Variants in SLC12A2 observed in about 807,000 individuals in gnomAD.
SLC12A2 encodes solute carrier family 12 member 2, also known as Na-K-2Cl cotransporter 1.
A neutral mutation model predicts 136.3 loss-of-function variants in SLC12A2; 67 were observed. The observed-to-expected ratio is 0.49, with a 90% CI of 0.40 to 0.60. The LOEUF (loss-of-function observed/expected upper bound fraction) is 0.60, where lower values mean the gene tolerates loss of function less well. Ranked by LOEUF, SLC12A2 falls within the 20% of genes least tolerant of loss-of-function variation. The pLI, the probability that SLC12A2 is intolerant of heterozygous loss-of-function variation, is 0.00. For missense variants in SLC12A2, 1,322 were observed against 1,534.7 expected, an observed-to-expected ratio of 0.86 and a Z score of 2.32; for synonymous variants, 619 against 562.9, an observed-to-expected ratio of 1.10 and a Z score of -1.41.
At chr5:128,110,271 A>G in intron 1 of SLC12A2, 1 of 811,422 alleles carries the variant, frequency 1.2e-6, no homozygotes, top group Non-Finnish European at 2.2e-6. Flanking sequence ...GGCTCCACAG[A>G]TTCCAAGGAT....
intron 20 of SLC12A2, among the ~76,000 whole-genome samples, chr5:128,175,255 A>G (rs1019663641): frequency 6.6e-6 from 1 of 152,034 alleles, no homozygotes; most frequent in African/African-American, 2.4e-5. Context: ...TGGACCAATC[A>G]TGTCTCTGTA....
Position 128,141,811 on chromosome 5 carries a change from G to T in SLC12A2, c.1622-19G>T. On this transcript the variant is annotated intron_variant, in intron 9 of 26. Coordinates refer to ENST00000262461, the MANE Select transcript of SLC12A2 (RefSeq NM_001046.3). The stretch of plus-strand genomic sequence containing the variant: ...TGTAGATATTAACTATATTATTCTT[G>T]TTGTCACTTGTGCTTTAGGTTCTTG... The T allele has an allele frequency of 6.2e-7, 1 of 1,603,366 alleles. No homozygotes were observed. The highest frequency in any genetic ancestry group is 1.1e-5 in the South Asian group (1 of 89,408).
At chr5:128,138,053 C>G (rs1762242359) in intron 7 of SLC12A2, among the ~76,000 whole-genome samples, 1 of 151,710 alleles carries the variant, frequency 6.6e-6, no homozygotes, top group African/African-American at 2.4e-5. Context: ...TTCTCTCACC[C>G]CAGCCTCCCA....
chr5:128,179,948 CTTTTTTTTTTTTTTTTTTTT>C (rs70997365), intron 22 of SLC12A2, among the ~76,000 whole-genome samples: 9 of 50,480 alleles, frequency 1.8e-4, no homozygotes, highest in East Asian at 1.1e-3. Context: ...CCAATCGTTC[CTTTTTTTTTTTTTTTTTTTT>C]TTTTTTTTTT....
chr5:128,162,994 T>C (rs1041216986), intron 17 of SLC12A2, among the ~76,000 whole-genome samples: 2 of 152,078 alleles, frequency 1.3e-5, no homozygotes, highest in Non-Finnish European at 2.9e-5. Flanking sequence ...GTGTATTCTG[T>C]GTGTGGCTCA....
intron 4 of SLC12A2, among the ~76,000 whole-genome samples, chr5:128,115,754 A>G (rs1379265720): frequency 2.6e-5 from 4 of 152,196 alleles, no homozygotes; most frequent in Admixed American, 6.5e-5. Flanking sequence ...TTGACATTAT[A>G]TAACACAATT....
intron 16 of SLC12A2, among the ~76,000 whole-genome samples, chr5:128,161,188 C>T (rs188735100): frequency 6.6e-6 from 1 of 152,012 alleles, no homozygotes. Context: ...GTTATTTCAT[C>T]CTTTAACAGA....
At chr5:128,114,173 C>A (rs769670506) in intron 2 of SLC12A2, 39 bp from the exon 3 acceptor site, 35 of 1,401,340 alleles carry the variant, frequency 2.5e-5, no homozygotes, top group South Asian at 2.5e-4. Flanking sequence ...TTTGATTATT[C>A]TTCTTCCTCT....
intron 1 of SLC12A2, among the ~76,000 whole-genome samples, chr5:128,104,798 A>G (rs1367522436): frequency 6.6e-6 from 1 of 152,018 alleles, no homozygotes; most frequent in Non-Finnish European, 1.5e-5. Context: ...TAGCAGTTTC[A>G]TAGATGCTGT....
intron 16 of SLC12A2, among the ~76,000 whole-genome samples, chr5:128,159,464 G>A (rs768546875): frequency 3.3e-5 from 5 of 152,106 alleles, no homozygotes; most frequent in Non-Finnish European, 7.4e-5. Flanking sequence ...AGAGTGAACA[G>A]GCAACCTACA....
At chr5:128,134,107 G>A (rs796532200) in intron 5 of SLC12A2, 58 bp from the exon 6 acceptor site, 2 of 869,808 alleles carry the variant, frequency 2.3e-6, no homozygotes, top group African/African-American at 3.3e-5. Flanking sequence ...CAAAAGGAGT[G>A]TGAATGTGTA....
intron 15 of SLC12A2, among the ~76,000 whole-genome samples, chr5:128,155,546 C>T (rs541506784): frequency 1.3e-5 from 2 of 152,226 alleles, no homozygotes; most frequent in African/African-American, 4.8e-5. Flanking sequence ...TTCCCTGAAA[C>T]TAATAATTTT....
In SLC12A2 at chr5:128,138,692, C is replaced by T. The variant is rs1397307536; in HGVS notation, c.1504C>T (p.Leu502=). The stretch of plus-strand genomic sequence containing the variant: ...CTTTTTTCCTGCTGCAACTGGTATT[C>T]TGGCTGGAGCAAATATCTCAGGTGA... ...AIFFPAATGI[L]AGANISGDLA... Residue 502 remains leucine, a synonymous_variant, in exon 8 of 27, where the codon CTG becomes TTG. Coordinates refer to ENST00000262461, the MANE Select transcript of SLC12A2 (RefSeq NM_001046.3). 6.2e-7 allele frequency: 1 copy of T among 1,613,752 alleles called. No individual in the cohort carries two copies. Among genetic ancestry groups the T allele is most frequent in the Non-Finnish European group, 8.5e-7 (1 of 1,179,796 alleles).
intron 11 of SLC12A2, among the ~76,000 whole-genome samples, chr5:128,148,480 T>C (rs1206799437): frequency 6.6e-6 from 1 of 151,850 alleles, no homozygotes; most frequent in Non-Finnish European, 1.5e-5. Context: ...TTGTTTTTAC[T>C]TGTATGCCTG....
rs978214759 is a variant in SLC12A2, at chr5:128,114,813, C to T, written c.1048+132C>T. 23 of 592,608 alleles carry T rather than the reference C, an allele frequency of 3.9e-5. 1 individual carries two copies. The Admixed American group carries it at 4.3e-4, about 11-fold the overall frequency. The allele number at this position is 592,608 out of a possible 1,614,324, so 36.7% of individuals were successfully genotyped here. ...TCTATATAGACAAGAAAGTTGCTAC[C>T]GAGCACTTCCAGACTAGTATATTTC... On this transcript the variant is annotated intron_variant, in intron 4 of 26. Transcript: ENST00000262461.
rs111626400 is a variant in SLC12A2, at chr5:128,152,765, A to G, written c.2323A>G (p.Ile775Val). The G allele has an allele frequency of 1.4e-5, 22 of 1,613,690 alleles. No homozygotes were observed. The highest frequency in any genetic ancestry group is 3.3e-5 in the South Asian group (3 of 91,080). ...TTACCTGAATGCACTGCAGCATTCA[A>G]TTCGTCTTTCTGGAGTGGAAGACCA... is the stretch of plus-strand genomic sequence containing the variant. Reference protein sequence around the residue: ...LTYLNALQHSIRLSGVEDHVK... With the variant: ...LTYLNALQHSVRLSGVEDHVK... The change falls in exon 15 of 27, where the codon ATT becomes GTT. Residue 775 changes from isoleucine to valine, a missense_variant. This residue lies in a region of SLC12A2 where 294 missense variants were observed against 436.6 expected (regional missense o/e 0.67). Coordinates refer to ENST00000262461, the MANE Select transcript of SLC12A2 (RefSeq NM_001046.3).
intron 4 of SLC12A2, among the ~76,000 whole-genome samples, chr5:128,123,303 AT>A (rs1332457650): frequency 6.6e-6 from 1 of 152,122 alleles, no homozygotes; most frequent in Non-Finnish European, 1.5e-5. Flanking sequence ...AATAGAGAAA[AT>A]TTGCCAAACA....
chr5:128,111,536 C>T (rs111893267), intron 1 of SLC12A2, among the ~76,000 whole-genome samples: 17,203 of 151,936 alleles, frequency 0.11, 1,043 homozygotes, highest in African/African-American at 0.15. Context: ...GAGGCCAAGG[C>T]GGGCAGATCA....
intron 1 of SLC12A2, among the ~76,000 whole-genome samples, chr5:128,107,711 TC>T (rs1031155650): frequency 2.2e-4 from 33 of 152,190 alleles, no homozygotes; most frequent in African/African-American, 7.7e-4. Flanking sequence ...TTGGGTTGGA[TC>T]CAAGACTTTG....
Sources: gnomAD v4.1 joint callset for allele counts (sites outside exome capture counted in the v4.1 genomes callset) on GRCh38, gnomAD v4.1.1 for gene constraint, gnomAD v4.1.1 regional missense constraint, MANE v1.5 for transcripts, NCBI Gene and HGNC (gene_info 2026-07-23, HGNC 2026-07-21) for gene names.